Variants in KDM5A observed in about 807,000 individuals in gnomAD.
KDM5A encodes the protein lysine demethylase 5A.
In KDM5A, 42 loss-of-function variants were observed where a neutral mutation model predicts 193.5. That is an observed-to-expected ratio of 0.22 (90% CI 0.17 to 0.28). The LOEUF (loss-of-function observed/expected upper bound fraction) is 0.28. KDM5A is among the 10% of genes least tolerant of loss of function. The pLI, the probability that KDM5A is intolerant of heterozygous loss-of-function variation, is 1.00. For synonymous variants in KDM5A, 796 were observed against 718.1 expected (o/e 1.11, Z -1.73); for missense variants, 1,692 against 2,055.1 (o/e 0.82, Z 3.42).
intron 1 of KDM5A, among the ~76,000 whole-genome samples, chr12:386,916 A>T (rs1215181935): frequency 6.6e-6 from 1 of 152,192 alleles, no homozygotes; most frequent in Non-Finnish European, 1.5e-5. Context: ...ATCAAAAAAA[A>T]AAAACTTGTG....
intron 18 of KDM5A, among the ~76,000 whole-genome samples, chr12:319,990 T>C (rs1257489731): frequency 6.6e-6 from 1 of 151,898 alleles, no homozygotes; most frequent in Non-Finnish European, 1.5e-5. Flanking sequence ...CTCCAACACT[T>C]AGAAGTCAAG....
intron 5 of KDM5A, among the ~76,000 whole-genome samples, chr12:357,010 A>G (rs7965038): frequency 0.85 from 128,940 of 152,218 alleles, 54,958 homozygotes; most frequent in African/African-American, 0.94. Flanking sequence ...GCCAGACACA[A>G]TGGCTCACAC....
chr12:351,229 G>A (rs1944154620), intron 9 of KDM5A, among the ~76,000 whole-genome samples: 1 of 152,132 alleles, frequency 6.6e-6, no homozygotes, highest in East Asian at 1.9e-4. Flanking sequence ...TCCCGGACAG[G>A]CCCCGGTGTG....
At chr12:371,780 T>G (rs1432499733) in intron 3 of KDM5A, among the ~76,000 whole-genome samples, 1 of 152,196 alleles carries the variant, frequency 6.6e-6, no homozygotes, top group Non-Finnish European at 1.5e-5. Context: ...AATTTTTGTA[T>G]AAGTTGTAAG....
At chr12:352,412 T>G in intron 8 of KDM5A, 88 bp from the exon 9 acceptor site, 2 of 1,199,392 alleles carry the variant, frequency 1.7e-6, no homozygotes, top group Non-Finnish European at 2.5e-6. Context: ...CTTTGATCAT[T>G]TCCCTAGGTA....
intron 19 of KDM5A, among the ~76,000 whole-genome samples, chr12:316,067 G>T (rs931042868): frequency 3.3e-5 from 5 of 152,104 alleles, no homozygotes; most frequent in African/African-American, 1.2e-4. Flanking sequence ...GTAGAGAGAA[G>T]GCCAAAGGCA....
intron 24 of KDM5A, among the ~76,000 whole-genome samples, chr12:306,675 A>G (rs922714436): frequency 2.6e-5 from 4 of 151,818 alleles, no homozygotes; most frequent in Non-Finnish European, 5.9e-5. Flanking sequence ...CCCAGAAGGC[A>G]GAGGTTGCAC....
At chr12:386,212 A>G (rs1482084951) in intron 1 of KDM5A, among the ~76,000 whole-genome samples, 1 of 152,174 alleles carries the variant, frequency 6.6e-6, no homozygotes, top group African/African-American at 2.4e-5. Flanking sequence ...AGATTTTTCC[A>G]TATTTTGGAA....
rs2137412120 is a variant in KDM5A, at chr12:323,742, G to C, written c.2008C>G (p.Pro670Ala). 3 of 1,614,006 alleles carry C rather than the reference G, an allele frequency of 1.9e-6. No individual in the cohort carries two copies. The highest frequency in any genetic ancestry group is 2.5e-6 in the Non-Finnish European group (3 of 1,179,900). Reference sequence around the variant, plus strand: ...GCTGAACACTGCCGCTCATCATCAGGAACAAGTTCAAACACTTCTTCTTCT... The same window carrying C: ...GCTGAACACTGCCGCTCATCATCAGCAACAAGTTCAAACACTTCTTCTTCT... ...MSEEEVFELVPDDERQCSACR... is the reference protein window; with the variant it reads ...MSEEEVFELVADDERQCSACR... Residue 670 changes from proline to alanine, a missense_variant, in exon 15 of 28, where the codon CCT (proline) becomes GCT (alanine). Physicochemically the swap from Pro to Ala is conservative, Grantham distance 27. Transcript: ENST00000399788.
At chr12:285,996 T>C (rs940398497) in intron 27 of KDM5A, 19 of 432,188 alleles carry the variant, frequency 4.4e-5, no homozygotes, top group Non-Finnish European at 4.8e-5. Flanking sequence ...TTAGCTAATA[T>C]TAACAATTTC....
intron 27 of KDM5A, among the ~76,000 whole-genome samples, chr12:288,922 C>T (rs527745199): frequency 2.0e-5 from 3 of 152,250 alleles, no homozygotes; most frequent in South Asian, 2.1e-4. Context: ...TGCGCGTGCA[C>T]GCGTGTGTGT....
Position 376,348 on chromosome 12 carries a change from C to G in KDM5A, c.366+7683G>C, listed in dbSNP as rs549563209. ...CTCAGACTGCTGTGCTAGCAATGAG[C>G]GAGGCTCCGTGGGCGTGGGACCCTC... On this transcript the variant is annotated intron_variant, in intron 3 of 27. Coordinates refer to ENST00000399788, the MANE Select transcript of KDM5A (RefSeq NM_001042603.3). Among the ~76,000 whole-genome samples, 33 of 152,296 alleles carry G rather than the reference C, an allele frequency of 2.2e-4. No individual in the cohort carries two copies. In the Middle Eastern group the frequency reaches 0.01, roughly 47 times the overall value.
Position 369,204 on chromosome 12 carries a change from A to C in KDM5A, c.367-3100T>G, listed in dbSNP as rs530782057. On this transcript the variant is annotated intron_variant, in intron 3 of 27. Coordinates refer to ENST00000399788, the MANE Select transcript of KDM5A (RefSeq NM_001042603.3). ...TCAATCAGGGGAAAATCATACAGAGACAAAAATTATTTTTCAAAGTACAGA... is the reference window on the plus strand; with the variant it reads ...TCAATCAGGGGAAAATCATACAGAGCCAAAAATTATTTTTCAAAGTACAGA... Among the ~76,000 whole-genome samples the C allele has an allele frequency of 2.6e-5, 4 of 152,316 alleles. No individual in the cohort carries two copies. In the South Asian group the frequency reaches 6.2e-4, roughly 24 times the overall value.
chr12:293,731 A>G (rs1256251219), intron 26 of KDM5A, among the ~76,000 whole-genome samples: 1 of 140,428 alleles, frequency 7.1e-6, no homozygotes, highest in African/African-American at 2.6e-5. Context: ...GTGAGCCGCA[A>G]TCAATCCACT....
chr12:330,819 A>G (rs1487621393), intron 13 of KDM5A, among the ~76,000 whole-genome samples: 1 of 152,224 alleles, frequency 6.6e-6, no homozygotes, highest in Non-Finnish European at 1.5e-5. Context: ...ATGGAATTTA[A>G]TAAATTAAGG....
Position 351,463 on chromosome 12 carries a change from T to C in KDM5A, c.1150-684A>G, listed in dbSNP as rs560384413. Among the ~76,000 whole-genome samples the C allele has an allele frequency of 3.3e-5, 5 of 152,318 alleles. No homozygotes were observed. In the East Asian group the frequency reaches 7.7e-4, roughly 23 times the overall value. On this transcript the variant is annotated intron_variant, in intron 9 of 27. Transcript: ENST00000399788. Reference sequence around the variant, plus strand: ...TTTTCTTCATCCAGTCTATCATTGATGGGCATCTGGGTTGGTTTCAAGTCT... The same window carrying C: ...TTTTCTTCATCCAGTCTATCATTGACGGGCATCTGGGTTGGTTTCAAGTCT...
At chr12:386,725 C>T (rs1325323379) in intron 1 of KDM5A, among the ~76,000 whole-genome samples, 1 of 152,046 alleles carries the variant, frequency 6.6e-6, no homozygotes, top group African/African-American at 2.4e-5. Context: ...TGGATGATTT[C>T]GGATTTGGAA....
At chr12:357,605 G>A (rs376430701) in intron 5 of KDM5A, among the ~76,000 whole-genome samples, 31 of 151,710 alleles carry the variant, frequency 2.0e-4, no homozygotes, top group East Asian at 9.7e-4. Context: ...CGAGGCGGGC[G>A]GATCACAAGG....
chr12:311,495 T>C (rs1409483628), intron 20 of KDM5A, among the ~76,000 whole-genome samples: 1 of 151,462 alleles, frequency 6.6e-6, no homozygotes, highest in African/African-American at 2.4e-5. Flanking sequence ...GACAGCCCTT[T>C]GAAATTACAG....
Sources: allele counts gnomAD v4.1 joint callset (sites outside exome capture counted in the v4.1 genomes callset), GRCh38; gene constraint gnomAD v4.1.1; transcripts MANE v1.5; gene names NCBI Gene and HGNC (gene_info 2026-07-23, HGNC 2026-07-21).